MYCBP2: variants seen among roughly 807,000 people sequenced by gnomAD.
MYCBP2 encodes MYC binding protein 2, also known as E3 ubiquitin-protein ligase MYCBP2.
In MYCBP2, 120 loss-of-function variants were observed where a neutral mutation model predicts 525.3. That is an observed-to-expected ratio of 0.23 (90% confidence interval 0.20 to 0.27). The LOEUF (loss-of-function observed/expected upper bound fraction) is 0.27, where lower values mean the gene tolerates loss of function less well. Among genes scored for constraint, MYCBP2 ranks in the 10% least tolerant of loss-of-function variants. The probability of loss-of-function intolerance (pLI) is 1.00; values close to 1 mark genes in which losing one functional copy is unlikely to be tolerated. For synonymous variants in MYCBP2, 1,894 were observed against 1,955.8 expected (o/e 0.97, Z 0.83); for missense variants, 4,149 against 5,657.1 (o/e 0.73, Z 8.55).
At chr13:77,066,203 C>A in intron 71 of MYCBP2, 115 bp from the exon 72 acceptor site, 1 of 700,130 alleles carries the variant, frequency 1.4e-6, no homozygotes, top group Non-Finnish European at 2.4e-6. Context: ...GTGACTGAAT[C>A]AATTAAAACA....
chr13:77,094,024 A>G (rs1199982095), intron 58 of MYCBP2, among the ~76,000 whole-genome samples: 1 of 152,174 alleles, frequency 6.6e-6, no homozygotes, highest in Non-Finnish European at 1.5e-5. Context: ...GATTCACACT[A>G]AAGATCTATT....
At chr13:77,165,203 A>T in intron 42 of MYCBP2, 70 bp downstream of exon 42, 2 of 1,334,232 alleles carry the variant, frequency 1.5e-6, no homozygotes, top group Non-Finnish European at 1.1e-6. Flanking sequence ...TAAGTCAGTT[A>T]GAAGCACAAC....
At chr13:77,062,569 T>C in intron 74 of MYCBP2, 27 bp downstream of exon 74, 1 of 1,586,414 alleles carries the variant, frequency 6.3e-7, no homozygotes, top group Middle Eastern at 1.7e-4. Flanking sequence ...GAAAGCAAGA[T>C]AAATTCTTAC....
chr13:77,062,899 A>G (rs2039558915), intron 73 of MYCBP2, among the ~76,000 whole-genome samples: 1 of 152,210 alleles, frequency 6.6e-6, no homozygotes, highest in Non-Finnish European at 1.5e-5. Flanking sequence ...AGGCACTCAG[A>G]TATCTACTGA....
Position 77,068,801 on chromosome 13 carries a change from T to C in MYCBP2, c.11935A>G (p.Met3979Val). 5.0e-6 allele frequency: 8 copies of C among 1,614,134 alleles called. No homozygotes were observed. Among genetic ancestry groups the C allele is most frequent in the Non-Finnish European group, 6.8e-6 (8 of 1,180,016 alleles). Residue 3979 changes from methionine (M) to valine (V), a missense_variant, in exon 70 of 83, where the codon ATG (methionine) becomes GTG (valine). Physicochemically the swap from Met to Val is conservative, Grantham distance 21. This residue lies in a region of MYCBP2 where 64 missense variants were observed against 131.2 expected (regional missense o/e 0.49). Transcript: ENST00000544440. ...TCTTCACGGACTCTGGTAGCTTCCA[T>C]GCGAATAGCTTGGACAATATGAGCA... ...VCAHIVQAIR[M>V]EATRVREEWE... is the part of the protein sequence containing the mutation.
At chr13:77,240,293 C>A (rs2068620496) in intron 17 of MYCBP2, among the ~76,000 whole-genome samples, 1 of 152,022 alleles carries the variant, frequency 6.6e-6, no homozygotes, top group East Asian at 1.9e-4. Flanking sequence ...GAATTCTTGT[C>A]CAAATGCAAA....
At chr13:77,275,721 T>C (rs906104172) in intron 4 of MYCBP2, among the ~76,000 whole-genome samples, 2 of 152,192 alleles carry the variant, frequency 1.3e-5, no homozygotes, top group African/African-American at 4.8e-5. Flanking sequence ...CAGTGGCTCA[T>C]GCCTGTAATC....
At chr13:77,310,161 T>G (rs2079997734) in intron 1 of MYCBP2, among the ~76,000 whole-genome samples, 1 of 152,034 alleles carries the variant, frequency 6.6e-6, no homozygotes, top group Admixed American at 6.6e-5. Context: ...CTATGATTGT[T>G]CCATACTATT....
intron 52 of MYCBP2, among the ~76,000 whole-genome samples, chr13:77,130,183 C>T (rs2027406): frequency 0.44 from 66,243 of 151,264 alleles, 18,300 homozygotes; most frequent in Non-Finnish European, 0.62. Context: ...TTATGATAAA[C>T]GGTTATTTTG....
intron 48 of MYCBP2, among the ~76,000 whole-genome samples, chr13:77,145,179 C>T (rs1332627094): frequency 6.6e-6 from 1 of 152,184 alleles, no homozygotes; most frequent in East Asian, 1.9e-4. Flanking sequence ...TTGTTTCCAA[C>T]ATTTCCTTAC....
rs1450128273 is a variant in MYCBP2, at chr13:77,294,129, T to TATATATATATAC, written c.378+2469_378+2470insGTATATATATAT. Among the ~76,000 whole-genome samples, 57 of 26,134 alleles carry TATATATATATAC rather than the reference T, an allele frequency of 2.2e-3. 2 individuals are homozygous for TATATATATATAC. The highest frequency in any genetic ancestry group is 0.014 in the South Asian group (11 of 790). The allele number at this position is 26,134 out of a possible 152,430, so 17.1% of individuals were successfully genotyped here. ...CTATATATATATATATATATATATA[T>TATATATATATAC]ACATATATATATACATATATATAAA... On this transcript the variant is annotated intron_variant, in intron 2 of 82. Coordinates refer to ENST00000544440, the MANE Select transcript of MYCBP2 (RefSeq NM_015057.5).
rs1220788200 is a variant in MYCBP2 at position 77,266,394 on chromosome 13, CTATT to C, written c.1357+1443_1357+1446del. Among the ~76,000 whole-genome samples, 7 of 151,962 alleles carry C rather than the reference CTATT, an allele frequency of 4.6e-5. No homozygotes were observed. The East Asian group carries it at 1.4e-3, about 29-fold the overall frequency. ...AACATTTAAGTGACATTGTAGAAGA[CTATT>C]TAATGACCTAGAAATATTTTCAGAA... is the stretch of plus-strand genomic sequence containing the variant. On this transcript the variant is annotated intron_variant, in intron 8 of 82. Transcript: ENST00000544440.
intron 20 of MYCBP2, among the ~76,000 whole-genome samples, chr13:77,222,819 C>T (rs1381226921): frequency 6.6e-6 from 1 of 152,142 alleles, no homozygotes; most frequent in African/African-American, 2.4e-5. Flanking sequence ...AGAGTGAGTT[C>T]AAGACACAGT....
chr13:77,226,969 C>A (rs574113814), intron 18 of MYCBP2, among the ~76,000 whole-genome samples: 6 of 152,164 alleles, frequency 3.9e-5, no homozygotes, highest in African/African-American at 1.2e-4. Flanking sequence ...AGTGTGGTTA[C>A]CTACATTATA....
Position 77,211,307 on chromosome 13 carries a change from A to G in MYCBP2, c.3276T>C (p.Ala1092=), listed in dbSNP as rs1394958334. Residue 1092 remains alanine (A), a synonymous_variant, in exon 23 of 83, where the codon GCT becomes GCC. Coordinates refer to ENST00000544440, the MANE Select transcript of MYCBP2 (RefSeq NM_015057.5). ...ASKHIIGLVP[A]SISEPPPFKC... The stretch of plus-strand genomic sequence containing the variant: ...TAAATGGAGGAGGTTCTGATATAGA[A>G]GCAGGTACCAAGCCTTAAGAAAAAA... 2 of 1,457,496 alleles carry G rather than the reference A, an allele frequency of 1.4e-6. No homozygotes were observed. Among genetic ancestry groups the G allele is most frequent in the African/African-American group, 2.9e-5 (2 of 69,316 alleles). The allele number at this position is 1,457,496 out of a possible 1,614,324, so 90.3% of individuals were successfully genotyped here. A position where few individuals can be genotyped will look rare whatever the true frequency, so the allele number is the denominator to read the frequency against.
intron 43 of MYCBP2, among the ~76,000 whole-genome samples, chr13:77,164,099 G>C (rs1325412120): frequency 2.0e-5 from 3 of 152,138 alleles, no homozygotes; most frequent in African/African-American, 4.8e-5. Context: ...TCTAGACAAT[G>C]AGTATTCAGT....
At chr13:77,184,468 T>C (rs553356491) in intron 32 of MYCBP2, among the ~76,000 whole-genome samples, 5 of 152,352 alleles carry the variant, frequency 3.3e-5, no homozygotes, top group African/African-American at 1.2e-4. Flanking sequence ...GAAAAGAATA[T>C]GTATTTTGCA....
chr13:77,052,359 C>A (rs756403364), intron 80 of MYCBP2, among the ~76,000 whole-genome samples: 8 of 152,130 alleles, frequency 5.3e-5, no homozygotes, highest in Non-Finnish European at 1.2e-4. Context: ...CCACCACACC[C>A]GGCTAATTGT....
chr13:77,237,349 G>A (rs2068069112), intron 17 of MYCBP2, among the ~76,000 whole-genome samples: 2 of 152,030 alleles, frequency 1.3e-5, no homozygotes, highest in East Asian at 3.9e-4. Context: ...TTTCACATAT[G>A]TGTAAGTCTC....
Sources: allele counts gnomAD v4.1 joint callset (sites outside exome capture counted in the v4.1 genomes callset), GRCh38; gene constraint gnomAD v4.1.1; regional missense constraint gnomAD v4.1.1; transcripts MANE v1.5; gene names NCBI Gene and HGNC (gene_info 2026-07-23, HGNC 2026-07-21).